HPCAL1: variants seen among roughly 807,000 people sequenced by gnomAD.
HPCAL1 encodes the protein hippocalcin like 1.
Under a neutral mutation model 17.1 loss-of-function variants are expected in HPCAL1, and 8 were observed. That is an observed-to-expected ratio of 0.47 (90% confidence interval 0.27 to 0.84). The LOEUF (loss-of-function observed/expected upper bound fraction) is 0.84, where lower values mean the gene tolerates loss of function less well. Ranked by LOEUF, HPCAL1 falls within the 40% of genes least tolerant of loss-of-function variation. HPCAL1 has a pLI of 0.13. For synonymous variants in HPCAL1, 112 were observed against 111.4 expected (o/e 1.01, Z -0.03); for missense variants, 165 against 271.1 (o/e 0.61, Z 2.75).
intron 1 of HPCAL1, among the ~76,000 whole-genome samples, chr2:10,379,914 C>A (rs1667835428): frequency 6.6e-6 from 1 of 152,150 alleles, no homozygotes; most frequent in Non-Finnish European, 1.5e-5. Context: ...ACTGCAGCCC[C>A]CCTCAACTGG....
chr2:10,315,900 G>A (rs906614885), intron 1 of HPCAL1, among the ~76,000 whole-genome samples: 2 of 152,060 alleles, frequency 1.3e-5, no homozygotes, highest in Non-Finnish European at 2.9e-5. Context: ...CCAGCTACTC[G>A]GGAGGCTGAC....
rs190351163 is a variant in HPCAL1, at chr2:10,326,785, C to T, written c.-111+23608C>T. On this transcript the variant is annotated intron_variant, in intron 1 of 4. Coordinates refer to ENST00000307845, the MANE Select transcript of HPCAL1 (RefSeq NM_002149.4). ...CTTTGGGCAGAATCTGAGAGTGCCC[C>T]CTTCTCCCTCCCTGTGCATTTGAAA... 9.8e-3 allele frequency among the ~76,000 whole-genome samples: 1,499 copies of T among 152,286 alleles called. 12 individuals carry two copies. Among genetic ancestry groups the T allele is most frequent in the Middle Eastern group, 0.024 (7 of 294 alleles).
Position 10,427,017 on chromosome 2 carries a change from G to A in HPCAL1, c.*196G>A. 1 of 585,774 alleles carries A rather than the reference G, an allele frequency of 1.7e-6. No homozygotes were observed. Among genetic ancestry groups the A allele is most frequent in the South Asian group, 2.0e-5 (1 of 50,894 alleles). The allele number at this position is 585,774 out of a possible 1,614,324, so 36.3% of individuals were successfully genotyped here. ...ACGCGACATTCCTCCCCTCACGCCT[G>A]GCCCGGTCCCTTCCAGGGCAACTCC... On this transcript the variant is annotated 3_prime_UTR_variant, in exon 5 of 5. Transcript: ENST00000307845.
chr2:10,366,907 G>A (rs984405835), intron 1 of HPCAL1, among the ~76,000 whole-genome samples: 1 of 152,212 alleles, frequency 6.6e-6, no homozygotes, highest in Admixed American at 6.5e-5. Flanking sequence ...GTCTCATACA[G>A]TGACCTTGTT....
chr2:10,404,164 G>T (rs1265109487), intron 2 of HPCAL1, among the ~76,000 whole-genome samples: 1 of 152,106 alleles, frequency 6.6e-6, no homozygotes, highest in Admixed American at 6.6e-5. Flanking sequence ...CTCCCCAAAA[G>T]TTTGGGCCTG....
At chr2:10,380,213 T>C (rs988994487) in intron 1 of HPCAL1, among the ~76,000 whole-genome samples, 1 of 152,240 alleles carries the variant, frequency 6.6e-6, no homozygotes, top group African/African-American at 2.4e-5. Flanking sequence ...CAAGGTTTGC[T>C]TGGTCTGGAG....
At chr2:10,353,442 C>T (rs1164501715) in intron 1 of HPCAL1, among the ~76,000 whole-genome samples, 1 of 152,186 alleles carries the variant, frequency 6.6e-6, no homozygotes, top group Non-Finnish European at 1.5e-5. Flanking sequence ...GGGGGCCCTG[C>T]CTGCAGGTGT....
chr2:10,332,413 C>T (rs547542251), intron 1 of HPCAL1, among the ~76,000 whole-genome samples: 42 of 152,338 alleles, frequency 2.8e-4, no homozygotes, highest in African/African-American at 9.6e-4. Context: ...CCTGGCCCGC[C>T]CCTCTGCGGT....
At chr2:10,411,674 C>A (rs1164270425) in intron 2 of HPCAL1, among the ~76,000 whole-genome samples, 1 of 152,224 alleles carries the variant, frequency 6.6e-6, no homozygotes, top group Non-Finnish European at 1.5e-5. Flanking sequence ...CAGTGCTCAG[C>A]CTGGGATTCG....
At chr2:10,350,675 T>C (rs73161294) in intron 1 of HPCAL1, among the ~76,000 whole-genome samples, 55,521 of 151,986 alleles carry the variant, frequency 0.37, 10,606 homozygotes, top group South Asian at 0.6. Context: ...GGAGAAAATA[T>C]TTGCGAATTG....
intron 1 of HPCAL1, among the ~76,000 whole-genome samples, chr2:10,316,062 G>C (rs529387357): frequency 6.6e-5 from 10 of 152,196 alleles, no homozygotes; most frequent in Non-Finnish European, 1.5e-4. Flanking sequence ...GTGTGGCATA[G>C]TGTAGAGTTT....
At chr2:10,379,953 T>C (rs1667837371) in intron 1 of HPCAL1, among the ~76,000 whole-genome samples, 1 of 152,152 alleles carries the variant, frequency 6.6e-6, no homozygotes, top group Non-Finnish European at 1.5e-5. Flanking sequence ...CATGAATACT[T>C]TGGACAAAGC....
intron 1 of HPCAL1, among the ~76,000 whole-genome samples, chr2:10,392,796 G>T (rs1668789503): frequency 6.6e-6 from 1 of 152,184 alleles, no homozygotes; most frequent in South Asian, 2.1e-4. Context: ...ACCTCCCTCT[G>T]CCATTCTCCA....
intron 2 of HPCAL1, among the ~76,000 whole-genome samples, chr2:10,416,263 C>T (rs1179962067): frequency 6.6e-6 from 1 of 152,196 alleles, no homozygotes; most frequent in Admixed American, 6.5e-5. Flanking sequence ...CATGATTCAA[C>T]CCATGCATCT....
At chr2:10,379,478 G>A (rs961472469) in intron 1 of HPCAL1, among the ~76,000 whole-genome samples, 6 of 151,962 alleles carry the variant, frequency 3.9e-5, no homozygotes, top group African/African-American at 9.7e-5. Context: ...AGCTATGGCC[G>A]TGGCTGACCC....
chr2:10,373,318 G>A (rs1428487823), intron 1 of HPCAL1, among the ~76,000 whole-genome samples: 2 of 152,214 alleles, frequency 1.3e-5, no homozygotes, highest in Non-Finnish European at 2.9e-5. Flanking sequence ...TTGGAGCAGA[G>A]GGAGGGGCAG....
At chr2:10,418,605 G>T in intron 2 of HPCAL1, among the ~76,000 whole-genome samples, 1 of 152,184 alleles carries the variant, frequency 6.6e-6, no homozygotes, top group East Asian at 1.9e-4. Flanking sequence ...TTGCCACTGT[G>T]GCTAGGGTAG....
chr2:10,366,432 C>T (rs1013804176), intron 1 of HPCAL1, among the ~76,000 whole-genome samples: 1 of 152,178 alleles, frequency 6.6e-6, no homozygotes, highest in Non-Finnish European at 1.5e-5. Flanking sequence ...GACGGGGTTT[C>T]ACCATGTTGG....
At chr2:10,345,169 ATCTC>A (rs550526527) in intron 1 of HPCAL1, among the ~76,000 whole-genome samples, 53 of 140,442 alleles carry the variant, frequency 3.8e-4, no homozygotes, top group African/African-American at 1.2e-3. Context: ...CTCTGTTTCA[ATCTC>A]TCTATCTCTG....
Sources: allele counts gnomAD v4.1 joint callset (sites outside exome capture counted in the v4.1 genomes callset), GRCh38; gene constraint gnomAD v4.1.1; transcripts MANE v1.5; gene names NCBI Gene and HGNC (gene_info 2026-07-23, HGNC 2026-07-21).